FOXK2: variants seen among roughly 807,000 people sequenced by gnomAD.
The protein encoded by FOXK2 is forkhead box protein K2.
A neutral mutation model predicts 53.3 loss-of-function variants in FOXK2; 24 were observed. The ratio of observed to expected loss-of-function variants is 0.45; its 90% CI spans 0.33 to 0.63. The LOEUF is 0.63. FOXK2 is among the 30% of genes least tolerant of loss of function. The pLI, the probability that FOXK2 is intolerant of heterozygous loss-of-function variation, is 0.03. For synonymous variants in FOXK2, 505 were observed against 407.1 expected, an observed-to-expected ratio of 1.24 and a Z score of -2.89; for missense variants, 952 against 910.5, an observed-to-expected ratio of 1.05 and a Z score of -0.59.
At chr17:82,561,155 G>A (rs2044788784) in intron 1 of FOXK2, among the ~76,000 whole-genome samples, 2 of 152,136 alleles carry the variant, frequency 1.3e-5, no homozygotes, top group African/African-American at 4.8e-5. Flanking sequence ...CATGATGGGC[G>A]CGTTTTGAAG....
chr17:82,520,343 G>GGCCTGCA, intron 1 of FOXK2, 36 bp downstream of exon 1: 1 of 1,240,856 alleles, frequency 8.1e-7, no homozygotes, highest in Non-Finnish European at 1.0e-6. Context: ...CGGGGTCTGC[G>GGCCTGCA]GCCTGCAGCG....
intron 8 of FOXK2, among the ~76,000 whole-genome samples, chr17:82,596,449 G>C (rs1271831755): frequency 6.3e-5 from 1 of 15,930 alleles, no homozygotes; most frequent in East Asian, 1.8e-3. Context: ...GAGCCTCAGA[G>C]GTGGCGTCAG....
intron 1 of FOXK2, among the ~76,000 whole-genome samples, chr17:82,537,917 C>CAA (rs568515827): frequency 1.6e-3 from 111 of 67,492 alleles, no homozygotes; most frequent in Non-Finnish European, 2.6e-3. Flanking sequence ...ACTCTGTCTC[C>CAA]AAAAAAAAAA....
intron 8 of FOXK2, chr17:82,600,264 A>C (rs1386558617): frequency 1.3e-5 from 2 of 152,296 alleles, no homozygotes; most frequent in Non-Finnish European, 2.9e-5. Flanking sequence ...GGTGCCCCAG[A>C]GAAACAGAGC....
At chr17:82,553,973 A>G (rs148935183) in intron 1 of FOXK2, among the ~76,000 whole-genome samples, 1 of 152,218 alleles carries the variant, frequency 6.6e-6, no homozygotes, top group African/African-American at 2.4e-5. Context: ...ATTTGGGACT[A>G]CAGGCGCCCA....
chr17:82,552,819 C>G (rs1411820105), intron 1 of FOXK2, among the ~76,000 whole-genome samples: 2 of 152,284 alleles, frequency 1.3e-5, no homozygotes, highest in East Asian at 1.9e-4. Context: ...GCAGAGTGAC[C>G]TCTGCAGCCA....
chr17:82,570,114 C>T (rs1217849070), intron 3 of FOXK2, among the ~76,000 whole-genome samples: 2 of 151,796 alleles, frequency 1.3e-5, no homozygotes, highest in South Asian at 2.1e-4. Context: ...CCCAGCTACT[C>T]GGGAGGCTGA....
chr17:82,532,276 C>T (rs1289805192), intron 1 of FOXK2, among the ~76,000 whole-genome samples: 1 of 151,972 alleles, frequency 6.6e-6, no homozygotes, highest in Non-Finnish European at 1.5e-5. Flanking sequence ...TTCCGAGTAG[C>T]TGGGATTACC....
At chr17:82,572,162 T>C (rs1004695764) in intron 4 of FOXK2, 4 of 287,022 alleles carry the variant, frequency 1.4e-5, no homozygotes, top group Non-Finnish European at 2.6e-5. Context: ...GTTTGAGATA[T>C]TTCCCTTTGA....
At chr17:82,551,149 C>T (rs1351907827) in intron 1 of FOXK2, among the ~76,000 whole-genome samples, 1 of 151,368 alleles carries the variant, frequency 6.6e-6, no homozygotes, top group Non-Finnish European at 1.5e-5. Flanking sequence ...AACCCCGTCT[C>T]TACTAAAAAT....
chr17:82,601,517 CT>C lies in FOXK2; in HGVS notation c.*21del. ...AGAACTAGCGACCGGGAGAGCTTTT[CT>C]TTAACGATATCAACTCTGTGGTGCC... is the stretch of plus-strand genomic sequence containing the variant. On this transcript the variant is annotated 3_prime_UTR_variant, in exon 9 of 9. Coordinates refer to ENST00000335255, the MANE Select transcript of FOXK2 (RefSeq NM_004514.4). 6.3e-7 allele frequency: 1 copy of C among 1,587,826 alleles called. No homozygotes were observed. The highest frequency in any genetic ancestry group is 8.6e-7 in the Non-Finnish European group (1 of 1,165,402).
intron 4 of FOXK2, among the ~76,000 whole-genome samples, chr17:82,581,074 T>C (rs1248907290): frequency 1.3e-5 from 2 of 152,262 alleles, no homozygotes; most frequent in African/African-American, 4.8e-5. Context: ...AAATTCAGGC[T>C]GAGGCTTGCA....
chr17:82,540,909 T>A (rs1213848412), intron 1 of FOXK2, among the ~76,000 whole-genome samples: 1 of 152,176 alleles, frequency 6.6e-6, no homozygotes, highest in Non-Finnish European at 1.5e-5. Context: ...GTTAATACTG[T>A]GTTGGCTTGA....
rs35359900 is a variant in FOXK2 at position 82,586,661 on chromosome 17, G to C, written c.1577-402G>C. Reference sequence around the variant, plus strand: ...TCACACCTGTAATCCCAGCACTATGGGGGGCTGAGACGGTCGGATCACCTG... The same window carrying C: ...TCACACCTGTAATCCCAGCACTATGCGGGGCTGAGACGGTCGGATCACCTG... On this transcript the variant is annotated intron_variant, in intron 7 of 8. Coordinates refer to ENST00000335255, the MANE Select transcript of FOXK2 (RefSeq NM_004514.4). Among the ~76,000 whole-genome samples the C allele has an allele frequency of 3.9e-5, 6 of 152,130 alleles. No homozygotes were observed. In the South Asian group the frequency reaches 6.2e-4, roughly 16 times the overall value.
At chr17:82,582,122 A>G (rs748099029) in intron 4 of FOXK2, among the ~76,000 whole-genome samples, 8 of 152,154 alleles carry the variant, frequency 5.3e-5, no homozygotes, top group Non-Finnish European at 1.0e-4. Flanking sequence ...TTCTGTGCGA[A>G]AAAGTATTTT....
At chr17:82,580,117 C>T in intron 4 of FOXK2, among the ~76,000 whole-genome samples, 1 of 128,916 alleles carries the variant, frequency 7.8e-6, no homozygotes, top group African/African-American at 3.0e-5. Context: ...GCTCCATCCA[C>T]AGGGCCCAGA....
At chr17:82,545,678 T>A (rs2044617573) in intron 1 of FOXK2, among the ~76,000 whole-genome samples, 1 of 151,116 alleles carries the variant, frequency 6.6e-6, no homozygotes, top group Non-Finnish European at 1.5e-5. Flanking sequence ...GCGTCCCAGG[T>A]TCAAGCGATT....
chr17:82,563,331 G>A, intron 1 of FOXK2, 23 bp from the exon 2 acceptor site: 1 of 1,604,500 alleles, frequency 6.2e-7, no homozygotes, highest in Non-Finnish European at 8.5e-7. Flanking sequence ...AAAAGGTGCT[G>A]ATGGTGGGCT....
intron 1 of FOXK2, among the ~76,000 whole-genome samples, chr17:82,545,518 G>A (rs921178633): frequency 2.0e-5 from 3 of 151,688 alleles, no homozygotes; most frequent in Admixed American, 6.6e-5. Context: ...TTTATTTGGG[G>A]CTATTATGAA....
Sources: gnomAD v4.1 joint callset for allele counts (sites outside exome capture counted in the v4.1 genomes callset) on GRCh38, gnomAD v4.1.1 for gene constraint, MANE v1.5 for transcripts, NCBI Gene and HGNC (gene_info 2026-07-23, HGNC 2026-07-21) for gene names.